The following CNNM4 variants were observed in gnomAD, a reference collection of about 807,000 sequenced individuals.
CNNM4 encodes cyclin and CBS domain divalent metal cation transport mediator 4.
Under a neutral mutation model 53.7 loss-of-function variants are expected in CNNM4, and 32 were observed. The ratio of observed to expected loss-of-function variants is 0.60; its 90% confidence interval spans 0.45 to 0.80. The LOEUF (loss-of-function observed/expected upper bound fraction) is 0.80. CNNM4 is among the 30% of genes least tolerant of loss of function. The probability of loss-of-function intolerance (pLI) is 0.00; values close to 1 mark genes in which losing one functional copy is unlikely to be tolerated. For missense variants in CNNM4, 784 were observed against 1,022.0 expected, an observed-to-expected ratio of 0.77 and a Z score of 3.17; for synonymous variants, 410 against 440.0, an observed-to-expected ratio of 0.93 and a Z score of 0.85.
At chr2:96,809,289 C>T (rs1323073243) in intron 6 of CNNM4, 31 bp from the exon 7 acceptor site, 3 of 1,613,376 alleles carry the variant, frequency 1.9e-6, no homozygotes, top group Non-Finnish European at 2.5e-6. Context: ...CCCAGCCCCT[C>T]CCTCCATGAA....
At chr2:96,790,479 C>A (rs989443562) in intron 1 of CNNM4, among the ~76,000 whole-genome samples, 4 of 151,790 alleles carry the variant, frequency 2.6e-5, no homozygotes, top group South Asian at 4.2e-4. Flanking sequence ...CTCAGCCTCC[C>A]GAGTAGTTGG....
rs752277395 is a variant in CNNM4, at chr2:96,799,048, C to G, written c.1682-9C>G. 33 of 1,613,748 alleles carry G rather than the reference C, an allele frequency of 2.0e-5. No individual in the cohort carries two copies. Among genetic ancestry groups the G allele is most frequent in the Non-Finnish European group, 2.8e-5 (33 of 1,179,880 alleles). ...CCCCGTGTGAGGTCTCTTCTCTCTCCTCCTACAGAGGTCTCTCAGTTTAGC... is the reference window on the plus strand; with the variant it reads ...CCCCGTGTGAGGTCTCTTCTCTCTCGTCCTACAGAGGTCTCTCAGTTTAGC... On this transcript the variant is annotated splice_polypyrimidine_tract_variant and intron_variant, in intron 3 of 6. Coordinates refer to ENST00000377075, the MANE Select transcript of CNNM4 (RefSeq NM_020184.4).
intron 5 of CNNM4, among the ~76,000 whole-genome samples, chr2:96,806,933 C>G (rs1325551043): frequency 4.6e-5 from 7 of 152,330 alleles, no homozygotes; most frequent in Admixed American, 2.6e-4. Context: ...TGACCCGCCC[C>G]GGCCAGGCTG....
intron 1 of CNNM4, among the ~76,000 whole-genome samples, chr2:96,763,401 G>A (rs1229233651): frequency 6.6e-6 from 1 of 152,202 alleles, no homozygotes; most frequent in Non-Finnish European, 1.5e-5. Flanking sequence ...CAATTATGGA[G>A]TGGAACCCTC....
At position 96,808,820 on chromosome 2, in the gene CNNM4, A is replaced by T. The variant is rs1574089324; in HGVS notation, c.2130+78A>T. The T allele has an allele frequency of 6.9e-7, 1 of 1,452,058 alleles. No individual in the cohort carries two copies. Among genetic ancestry groups the T allele is most frequent in the Non-Finnish European group, 9.6e-7 (1 of 1,037,736 alleles). The allele number at this position is 1,452,058 out of a possible 1,614,324, so 89.9% of individuals were successfully genotyped here. The stretch of plus-strand genomic sequence containing the variant: ...GCTACTACTTTCATCCACCAAACCC[A>T]GCATGGTGGGCCCAAACCCGAGATG... On this transcript the variant is annotated intron_variant, in intron 6 of 6. Coordinates refer to ENST00000377075, the MANE Select transcript of CNNM4 (RefSeq NM_020184.4). This position sits in a 1 kb window ranked among gnomAD's most constrained non-coding sequence, Gnocchi z 4.9.
Position 96,797,848 on chromosome 2 carries a change from G to A in CNNM4, c.1681+201G>A, listed in dbSNP as rs61420137. On this transcript the variant is annotated intron_variant, in intron 3 of 6. Transcript: ENST00000377075. The surrounding 1 kb of genome is among the most constrained non-coding windows in gnomAD (Gnocchi z 6.0). ...GCGATTCATTTGCCATTAATGGGCGGCTACTGCAAACTTCTAGGAAGCATC... is the reference window on the plus strand; with the variant it reads ...GCGATTCATTTGCCATTAATGGGCGACTACTGCAAACTTCTAGGAAGCATC... Among the ~76,000 whole-genome samples the A allele has an allele frequency of 8.6e-3, 1,308 of 152,300 alleles. 14 individuals carry two copies. Among genetic ancestry groups the A allele is most frequent in the African/African-American group, 0.03 (1,260 of 41,538 alleles).
At chr2:96,807,604 G>A (rs1372427334) in intron 5 of CNNM4, among the ~76,000 whole-genome samples, 1 of 151,874 alleles carries the variant, frequency 6.6e-6, no homozygotes, top group Non-Finnish European at 1.5e-5. Context: ...GCGTGGTGTT[G>A]GGCACCTGTA....
At chr2:96,769,581 G>A (rs967566611) in intron 1 of CNNM4, among the ~76,000 whole-genome samples, 5 of 147,932 alleles carry the variant, frequency 3.4e-5, no homozygotes, top group African/African-American at 1.0e-4. Flanking sequence ...AAAAAAAAAA[G>A]AATGTGTGAG....
At chr2:96,764,357 G>A (rs892619965) in intron 1 of CNNM4, among the ~76,000 whole-genome samples, 13 of 152,144 alleles carry the variant, frequency 8.5e-5, no homozygotes, top group African/African-American at 2.7e-4. Context: ...AGTTTACTCC[G>A]GGAAACTCTG....
At chr2:96,789,700 A>ATT (rs576794641) in intron 1 of CNNM4, among the ~76,000 whole-genome samples, 8 of 144,100 alleles carry the variant, frequency 5.6e-5, no homozygotes, top group African/African-American at 1.0e-4. Flanking sequence ...TTATTAGTTA[A>ATT]TTTTTTTTTT....
chr2:96,799,594 G>A lies in CNNM4; in HGVS notation c.1894G>A (p.Glu632Lys). The change falls in exon 5 of 7, where the codon GAG (glutamate) becomes AAG (lysine). Residue 632 changes from glutamate to lysine, a missense_variant. Glu to Lys is a moderately conservative substitution (Grantham distance 56). Coordinates refer to ENST00000377075, the MANE Select transcript of CNNM4 (RefSeq NM_020184.4). The stretch of plus-strand genomic sequence containing the variant: ...GGCAGGGAAGGAGAACATGAAGTTT[G>A]AGACGGGCGCCTTCTCCTACTATGG... ...VEAGKENMKF[E>K]TGAFSYYGTM... The A allele has an allele frequency of 6.4e-7, 1 of 1,555,200 alleles. No homozygotes were observed. The highest frequency in any genetic ancestry group is 8.7e-7 in the Non-Finnish European group (1 of 1,148,764).
Position 96,808,775 on chromosome 2 carries a change from T to C in CNNM4, c.2130+33T>C, listed in dbSNP as rs1257529989. Reference sequence around the variant, plus strand: ...CCTCACTGCCCTGTCTGGGCAGTGCTATCTTCTGCTCAGGAATCAGCTACT... The same window carrying C: ...CCTCACTGCCCTGTCTGGGCAGTGCCATCTTCTGCTCAGGAATCAGCTACT... On this transcript the variant is annotated intron_variant, in intron 6 of 6. Transcript: ENST00000377075. This position sits in a 1 kb window ranked among gnomAD's most constrained non-coding sequence, Gnocchi z 4.9. The C allele has an allele frequency of 6.3e-7, 1 of 1,593,660 alleles. No individual in the cohort carries two copies.
chr2:96,777,873 T>C (rs1317645257), intron 1 of CNNM4, among the ~76,000 whole-genome samples: 1 of 151,542 alleles, frequency 6.6e-6, no homozygotes, highest in Non-Finnish European at 1.5e-5. Flanking sequence ...TCTCTGCCTT[T>C]TTTTTTTTTC....
chr2:96,783,486 A>G (rs777051523), intron 1 of CNNM4, among the ~76,000 whole-genome samples: 1 of 152,014 alleles, frequency 6.6e-6, no homozygotes, highest in East Asian at 1.9e-4. Flanking sequence ...TCTCCACTTC[A>G]TGTTCTTTTT....
At position 96,761,393 on chromosome 2, in the gene CNNM4, C is replaced by T. The variant is rs1388039270; in HGVS notation, c.394C>T (p.Leu132=). The T allele has an allele frequency of 6.2e-7, 1 of 1,613,956 alleles. No individual in the cohort carries two copies. The highest frequency in any genetic ancestry group is 1.3e-5 in the African/African-American group (1 of 74,932). ...NVSRGNTSGV[L]VVLTKFLRRS... ...GAGCCGCGGGAACACGTCCGGCGTGCTGGTGGTGCTCACCAAGTTCCTCCG... is the reference window on the plus strand; with the variant it reads ...GAGCCGCGGGAACACGTCCGGCGTGTTGGTGGTGCTCACCAAGTTCCTCCG... The change falls in exon 1 of 7, where the codon CTG becomes TTG. Residue 132 remains leucine (L), a synonymous_variant. Coordinates refer to ENST00000377075, the MANE Select transcript of CNNM4 (RefSeq NM_020184.4). The surrounding 1 kb of genome is among the most constrained non-coding windows in gnomAD (Gnocchi z 6.0).
intron 5 of CNNM4, among the ~76,000 whole-genome samples, chr2:96,806,002 C>A (rs2079201219): frequency 6.6e-6 from 1 of 150,466 alleles, no homozygotes; most frequent in Non-Finnish European, 1.5e-5. Context: ...CAGAGGGGCT[C>A]CTCACTTCCC....
chr2:96,809,170 A>G, intron 6 of CNNM4, 150 bp from the exon 7 acceptor site: 1 of 1,510,230 alleles, frequency 6.6e-7, no homozygotes, highest in Non-Finnish European at 8.9e-7. Flanking sequence ...TTGTTCGTGC[A>G]CCTTGTTCTT....
At chr2:96,806,535 A>ACACACACACACACACACACACG (rs374638753) in intron 5 of CNNM4, among the ~76,000 whole-genome samples, 17 of 123,940 alleles carry the variant, frequency 1.4e-4, no homozygotes, top group African/African-American at 4.9e-4. Flanking sequence ...ACACACACAC[A>ACACACACACACACACACACACG]CGCGCGCGCG....
At chr2:96,803,714 G>A (rs1314118843) in intron 5 of CNNM4, among the ~76,000 whole-genome samples, 2 of 142,122 alleles carry the variant, frequency 1.4e-5, no homozygotes, top group African/African-American at 5.9e-5. Context: ...CAACAAGAGC[G>A]AAACTCTGTC....
Sources: gnomAD v4.1 joint callset for allele counts (sites outside exome capture counted in the v4.1 genomes callset) on GRCh38, gnomAD v4.1.1 for gene constraint, Gnocchi (gnomAD v3.1) non-coding constraint, MANE v1.5 for transcripts, NCBI Gene and HGNC (gene_info 2026-07-23, HGNC 2026-07-21) for gene names.